SNX8: variants seen among roughly 807,000 people sequenced by gnomAD.
SNX8 encodes the protein sorting nexin 8.
A neutral mutation model predicts 51.6 loss-of-function variants in SNX8; 25 were observed. That is an observed-to-expected ratio of 0.48 (90% CI 0.35 to 0.68). The LOEUF (loss-of-function observed/expected upper bound fraction) is 0.68. SNX8 is among the 30% of genes least tolerant of loss of function. The pLI is 0.00. For synonymous variants in SNX8, 324 were observed against 277.0 expected, an observed-to-expected ratio of 1.17 and a Z score of -1.68; for missense variants, 695 against 624.0, an observed-to-expected ratio of 1.11 and a Z score of -1.21.
At chr7:2,314,643 C>G (rs1349442989), upstream of SNX8, among the ~76,000 whole-genome samples, 3 of 152,168 alleles carry the variant, frequency 2.0e-5, no homozygotes, top group Non-Finnish European at 4.4e-5. Flanking sequence ...CACGTGGACA[C>G]GGAGCCTGCT....
chr7:2,277,344 A>G (rs1247501484), intron 2 of SNX8, among the ~76,000 whole-genome samples: 1 of 152,158 alleles, frequency 6.6e-6, no homozygotes. Flanking sequence ...AGGGGATTAG[A>G]GTGACACATA....
chr7:2,326,912 C>T (rs1176629445), intron 1 of SNX8, among the ~76,000 whole-genome samples: 1 of 152,034 alleles, frequency 6.6e-6, no homozygotes, highest in Non-Finnish European at 1.5e-5. Flanking sequence ...TCGAGACCAG[C>T]CTTGGCAAAA....
At chr7:2,291,935 G>A (rs1310943283) in intron 1 of SNX8, among the ~76,000 whole-genome samples, 4 of 152,206 alleles carry the variant, frequency 2.6e-5, no homozygotes, top group Admixed American at 6.5e-5. Flanking sequence ...CCCAGAACAC[G>A]TCTAATGACG....
At chr7:2,330,346 C>T (rs996767184) in intron 1 of SNX8, among the ~76,000 whole-genome samples, 6 of 151,850 alleles carry the variant, frequency 4.0e-5, no homozygotes, top group African/African-American at 1.5e-4. Flanking sequence ...CCATGTTGCC[C>T]AGGCTGGTCT....
At chr7:2,262,841 G>C (rs907358610) in intron 7 of SNX8, among the ~76,000 whole-genome samples, 2 of 152,246 alleles carry the variant, frequency 1.3e-5, no homozygotes, top group Admixed American at 6.5e-5. Flanking sequence ...AAGCCGGCCG[G>C]GCACAGTGGC....
At chr7:2,338,259 A>G (rs1778865948) in intron 1 of SNX8, among the ~76,000 whole-genome samples, 1 of 151,866 alleles carries the variant, frequency 6.6e-6, no homozygotes, top group African/African-American at 2.4e-5. Context: ...TCAGGAGATC[A>G]AGACCATCCT....
intron 1 of SNX8, among the ~76,000 whole-genome samples, chr7:2,290,117 TG>T (rs989564913): frequency 6.6e-6 from 1 of 152,012 alleles, no homozygotes; most frequent in Admixed American, 6.6e-5. Context: ...CGCTTGAACC[TG>T]GGAGGTGGAG....
At chr7:2,346,087 G>C (rs544850543) in intron 1 of SNX8, among the ~76,000 whole-genome samples, 1 of 152,250 alleles carries the variant, frequency 6.6e-6, no homozygotes, top group Non-Finnish European at 1.5e-5. Context: ...GATTACAGGC[G>C]TGAGCCACCA....
chr7:2,294,283 G>GA lies in SNX8; in HGVS notation c.95-15979dup, dbSNP rs546601085. On this transcript the variant is annotated intron_variant, in intron 1 of 10. Transcript: ENST00000222990. ...CATCTCAAAATAAATAAATAAATAA[G>GA]AAAAAAAAGAAAAAAAAAAGATGCT... Among the ~76,000 whole-genome samples the GA allele has an allele frequency of 8.0e-3, 1,190 of 147,990 alleles. 8 individuals carry two copies. The highest frequency in any genetic ancestry group is 0.013 in the Non-Finnish European group (837 of 66,936).
chr7:2,308,528 C>T (rs1213812798), intron 1 of SNX8, among the ~76,000 whole-genome samples: 1 of 151,658 alleles, frequency 6.6e-6, no homozygotes, highest in African/African-American at 2.4e-5. Flanking sequence ...ATTAGCTGGG[C>T]ATGGTGGCAC....
chr7:2,316,712 C>G (rs1796764142), upstream of SNX8, among the ~76,000 whole-genome samples: 1 of 151,120 alleles, frequency 6.6e-6, no homozygotes, highest in Non-Finnish European at 1.5e-5. Flanking sequence ...CATGCAACCA[C>G]TCACTCACTC....
At chr7:2,335,098 A>G (rs975201902) in intron 1 of SNX8, among the ~76,000 whole-genome samples, 5 of 151,668 alleles carry the variant, frequency 3.3e-5, no homozygotes, top group African/African-American at 1.2e-4. Context: ...TGGGAGGCTG[A>G]GGCAGGATAA....
chr7:2,343,040 C>G (rs1013008670), intron 1 of SNX8, among the ~76,000 whole-genome samples: 3 of 151,882 alleles, frequency 2.0e-5, no homozygotes, highest in Non-Finnish European at 4.4e-5. Context: ...GGTGATCCAC[C>G]TGCCTCGACC....
At chr7:2,295,139 A>C (rs1352855147) in intron 1 of SNX8, among the ~76,000 whole-genome samples, 2 of 152,204 alleles carry the variant, frequency 1.3e-5, no homozygotes, top group African/African-American at 2.4e-5. Context: ...GCGGTGGCTC[A>C]CACCTGTTAT....
chr7:2,309,941 T>C (rs1208410758), intron 1 of SNX8: 1 of 462,196 alleles, frequency 2.2e-6, no homozygotes, highest in Non-Finnish European at 4.4e-6. Context: ...CCTGCCTCAA[T>C]GACACTCAAG....
intron 10 of SNX8, among the ~76,000 whole-genome samples, chr7:2,255,732 C>A (rs534094513): frequency 6.6e-6 from 1 of 152,366 alleles, no homozygotes; most frequent in African/African-American, 2.4e-5. Flanking sequence ...ACCAAAAACA[C>A]AAAGACCACA....
chr7:2,278,276 G>C lies in SNX8; in HGVS notation c.124C>G (p.Gln42Glu). 2 of 1,588,838 alleles carry C rather than the reference G, an allele frequency of 1.3e-6. No individual in the cohort carries two copies. Among genetic ancestry groups the C allele is most frequent in the Non-Finnish European group, 1.7e-6 (2 of 1,165,488 alleles). ...DLPTPQAIEP[Q>E]AIVQQVPAPS... ...GCTGGGACCTGCTGCACGATGGCCTGGGGCTCGATGGCCTGGGGTGTCGGC... is the reference window on the plus strand; with the variant it reads ...GCTGGGACCTGCTGCACGATGGCCTCGGGCTCGATGGCCTGGGGTGTCGGC... The change falls in exon 2 of 11, where the codon CAG becomes GAG. Residue 42 changes from glutamine to glutamate, a missense_variant. Gln to Glu is a conservative substitution (Grantham distance 29, BLOSUM62 2). Coordinates refer to ENST00000222990, the MANE Select transcript of SNX8 (RefSeq NM_013321.4).
At chr7:2,261,470 T>C (rs1169494115) in intron 7 of SNX8, among the ~76,000 whole-genome samples, 2 of 152,198 alleles carry the variant, frequency 1.3e-5, no homozygotes, top group African/African-American at 2.4e-5. Context: ...GTTTTAATAA[T>C]CTAGTCCAAC....
chr7:2,259,862 G>A (rs533023192), intron 7 of SNX8, among the ~76,000 whole-genome samples: 1 of 152,266 alleles, frequency 6.6e-6, no homozygotes, highest in South Asian at 2.1e-4. Context: ...GTGGTTCAGT[G>A]CTGCACAAGG....
Sources: allele counts gnomAD v4.1 joint callset (sites outside exome capture counted in the v4.1 genomes callset), GRCh38; gene constraint gnomAD v4.1.1; transcripts MANE v1.5; gene names NCBI Gene and HGNC (gene_info 2026-07-23, HGNC 2026-07-21).